The following SLC9A4 variants were observed in gnomAD, a reference collection of about 807,000 sequenced individuals.
SLC9A4 encodes the protein solute carrier family 9 member A4, also known as sodium/hydrogen exchanger 4.
Under a neutral mutation model 67.4 loss-of-function variants are expected in SLC9A4, and 63 were observed. The ratio of observed to expected loss-of-function variants is 0.93; its 90% CI spans 0.76 to 1.15. The LOEUF is 1.15. Ranked by LOEUF, SLC9A4 falls within the 50% of genes most tolerant of loss-of-function variation. SLC9A4 has a pLI of 0.00. For missense variants in SLC9A4, 1,089 were observed against 987.7 expected (o/e 1.10, Z -1.38); for synonymous variants, 393 against 367.2 (o/e 1.07, Z -0.80).
At position 102,501,596 on chromosome 2, in the gene SLC9A4, G is replaced by A. The variant is rs953660744; in HGVS notation, c.721-1852G>A. Among the ~76,000 whole-genome samples, 29 of 152,038 alleles carry A rather than the reference G, an allele frequency of 1.9e-4. 1 individual carries two copies. The highest frequency in any genetic ancestry group is 1.3e-4 in the Non-Finnish European group (9 of 68,006). On this transcript the variant is annotated intron_variant, in intron 2 of 11. Transcript: ENST00000295269. ...GTGATGTTATAGGGAATCAGCAGAG[G>A]TCGGGCTTACAGAGGACCTGGAGGG...
intron 9 of SLC9A4, 108 bp downstream of exon 9, chr2:102,520,063 A>G: frequency 1.2e-6 from 1 of 836,164 alleles, no homozygotes; most frequent in South Asian, 1.8e-5. Context: ...CACCCTCTGT[A>G]AGGTGGTAAC....
At chr2:102,495,542 C>T (rs1306462398) in intron 2 of SLC9A4, among the ~76,000 whole-genome samples, 3 of 152,028 alleles carry the variant, frequency 2.0e-5, no homozygotes, top group Non-Finnish European at 2.9e-5. Flanking sequence ...TGTGAATGAC[C>T]TAGATTACAT....
rs766731390 is a variant in SLC9A4 at position 102,519,968 on chromosome 2, C to T, written c.1818+13C>T. The T allele has an allele frequency of 1.9e-6, 3 of 1,610,014 alleles. No individual in the cohort carries two copies. The East Asian group carries it at 6.7e-5, about 36-fold the overall frequency. On this transcript the variant is annotated intron_variant, in intron 9 of 11. Transcript: ENST00000295269. ...AGTTCGGCAAAGGGTGTGTATGAGC[C>T]ACCTGTGTTGTCCCCATTTTCTGTC... is the stretch of plus-strand genomic sequence containing the variant.
chr2:102,505,326 C>T lies in SLC9A4; in HGVS notation c.1053C>T (p.Ile351=), dbSNP rs1374256769. The T allele has an allele frequency of 3.7e-6, 6 of 1,614,244 alleles. No individual in the cohort carries two copies. Among genetic ancestry groups the T allele is most frequent in the Non-Finnish European group, 5.1e-6 (6 of 1,180,048 alleles). Residue 351 remains isoleucine, a synonymous_variant, in exon 4 of 12, where the codon ATC becomes ATT. Coordinates refer to ENST00000295269, the MANE Select transcript of SLC9A4 (RefSeq NM_001011552.4). ...ENVSQTSYTT[I]KYFMKMLSSV... ...TGTCCCAGACATCATACACGACCAT[C>T]AAGTACTTCATGAAGATGCTGAGCA...
At chr2:102,510,715 A>T (rs1403623506) in intron 6 of SLC9A4, among the ~76,000 whole-genome samples, 1 of 152,216 alleles carries the variant, frequency 6.6e-6, no homozygotes, top group Non-Finnish European at 1.5e-5. Flanking sequence ...GTTCCAATGA[A>T]ATATGGGGTC....
chr2:102,503,393 AGTGTTCCTAGTTTCTATTC>A, intron 2 of SLC9A4, 36 bp from the exon 3 acceptor site: 1 of 1,444,148 alleles, frequency 6.9e-7, no homozygotes, highest in Non-Finnish European at 9.3e-7. Flanking sequence ...GTGCATGCAA[AGTGTTCCTAGTTTCTATTC>A]ATAATTCATA....
At chr2:102,482,198 T>C (rs1468829877) in intron 2 of SLC9A4, among the ~76,000 whole-genome samples, 1 of 152,184 alleles carries the variant, frequency 6.6e-6, no homozygotes, top group Non-Finnish European at 1.5e-5. Flanking sequence ...CAGAGTCTGG[T>C]CCTCAGGCCA....
At chr2:102,525,226 G>T in intron 10 of SLC9A4, 71 bp downstream of exon 10, 1 of 1,595,780 alleles carries the variant, frequency 6.3e-7, no homozygotes. Flanking sequence ...GCCTGTTCCT[G>T]TACAGGATCT....
intron 8 of SLC9A4, among the ~76,000 whole-genome samples, chr2:102,514,741 A>G (rs1685241497): frequency 6.6e-6 from 1 of 152,170 alleles, no homozygotes; most frequent in South Asian, 2.1e-4. Context: ...TGTAAAGAGA[A>G]AGTTGTGTTT....
At chr2:102,498,063 G>GA (rs1196817457) in intron 2 of SLC9A4, among the ~76,000 whole-genome samples, 5 of 152,144 alleles carry the variant, frequency 3.3e-5, no homozygotes, top group Non-Finnish European at 5.9e-5. Flanking sequence ...GAGTGAAGAG[G>GA]AAAAATCTAA....
intron 6 of SLC9A4, among the ~76,000 whole-genome samples, chr2:102,510,391 C>T (rs1286188118): frequency 1.3e-5 from 2 of 152,124 alleles, no homozygotes; most frequent in Non-Finnish European, 2.9e-5. Context: ...GACAGGCCAT[C>T]CAGAAGAGCA....
chr2:102,523,210 G>T (rs1674581411), intron 9 of SLC9A4, among the ~76,000 whole-genome samples: 1 of 151,994 alleles, frequency 6.6e-6, no homozygotes, highest in South Asian at 2.1e-4. Context: ...CCTGGGCTCA[G>T]TGATCCACTT....
intron 1 of SLC9A4, among the ~76,000 whole-genome samples, chr2:102,475,254 A>G (rs1371745853): frequency 6.6e-6 from 1 of 152,236 alleles, no homozygotes; most frequent in African/African-American, 2.4e-5. Context: ...GTGAAATCAT[A>G]TAGACACTGA....
intron 2 of SLC9A4, among the ~76,000 whole-genome samples, chr2:102,502,404 C>T (rs755376843): frequency 3.9e-5 from 6 of 152,192 alleles, no homozygotes; most frequent in South Asian, 2.1e-4. Flanking sequence ...GAGGGTATAA[C>T]GGTCTAGGTG....
intron 4 of SLC9A4, among the ~76,000 whole-genome samples, chr2:102,506,879 C>T (rs1321928712): frequency 1.3e-5 from 2 of 152,116 alleles, no homozygotes; most frequent in Non-Finnish European, 2.9e-5. Flanking sequence ...GAAAAACCAC[C>T]AAAACAGTGA....
chr2:102,473,469 C>G lies in SLC9A4; in HGVS notation c.-291C>G. The G allele has an allele frequency of 2.5e-6, 1 of 407,652 alleles. No individual in the cohort carries two copies. Among genetic ancestry groups the G allele is most frequent in the South Asian group, 3.9e-5 (1 of 25,372 alleles). 25.3% of individuals were successfully genotyped at this position (407,652 alleles called of 1,614,324 possible). A position where few individuals can be genotyped will look rare whatever the true frequency, so the allele number is the denominator to read the frequency against. ...TTATTTCTTTCATAAATTGCTCAAG[C>G]CATGATTGGATGGAGGTCCTCCAGG... On this transcript the variant is annotated 5_prime_UTR_variant, in exon 1 of 12. Transcript: ENST00000295269.
intron 2 of SLC9A4, 116 bp from the exon 3 acceptor site, chr2:102,503,332 G>A: frequency 2.1e-6 from 2 of 959,880 alleles, no homozygotes; most frequent in Non-Finnish European, 3.0e-6. Flanking sequence ...AGTATTTTTT[G>A]TTGTGTAATT....
rs961306138 is a variant in SLC9A4, at chr2:102,533,497, A to T, written c.*809A>T. On this transcript the variant is annotated 3_prime_UTR_variant, in exon 12 of 12. Coordinates refer to ENST00000295269, the MANE Select transcript of SLC9A4 (RefSeq NM_001011552.4). ...AAACTATTTTTCTTTTATTATTATT[A>T]TTATTATTATTATACTTTAAGTTTT... 2.0e-5 allele frequency: 3 copies of T among 151,464 alleles called. No individual in the cohort carries two copies. Among genetic ancestry groups the T allele is most frequent in the Non-Finnish European group, 4.4e-5 (3 of 67,914 alleles). The allele number at this position is 151,464 out of a possible 1,614,324, so 9.4% of individuals were successfully genotyped here. A position where few individuals can be genotyped will look rare whatever the true frequency, so the allele number is the denominator to read the frequency against.
chr2:102,479,428 C>T, intron 2 of SLC9A4, 126 bp downstream of exon 2: 1 of 1,005,362 alleles, frequency 9.9e-7, no homozygotes, highest in Non-Finnish European at 1.4e-6. Flanking sequence ...AGCTTCAGCC[C>T]ATGCGGTGTG....
Sources: gnomAD v4.1 joint callset for allele counts (sites outside exome capture counted in the v4.1 genomes callset) on GRCh38, gnomAD v4.1.1 for gene constraint, MANE v1.5 for transcripts, NCBI Gene and HGNC (gene_info 2026-07-23, HGNC 2026-07-21) for gene names.